RIMS1: variants seen among roughly 807,000 people sequenced by gnomAD.
RIMS1 encodes the protein regulating synaptic membrane exocytosis 1, also known as regulating synaptic membrane exocytosis protein 1.
RIMS1 carries 83 observed loss-of-function variants against 214.1 expected under a neutral mutation model. The ratio of observed to expected loss-of-function variants is 0.39; its 90% CI spans 0.32 to 0.47. The LOEUF (loss-of-function observed/expected upper bound fraction) is 0.47. RIMS1 is among the 20% of genes least tolerant of loss of function. The probability of loss-of-function intolerance (pLI) is 0.99; values close to 1 mark genes in which losing one functional copy is unlikely to be tolerated. For missense variants in RIMS1, 2,050 were observed against 2,161.8 expected (o/e 0.95, Z 1.03); for synonymous variants, 793 against 786.8 (o/e 1.01, Z -0.13).
chr6:72,143,576 G>C (rs1339239531), intron 4 of RIMS1, among the ~76,000 whole-genome samples: 1 of 152,196 alleles, frequency 6.6e-6, no homozygotes, highest in African/African-American at 2.4e-5. Context: ...CACAGCTTCT[G>C]TGATTATGGG....
chr6:72,291,338 C>G (rs765228122), intron 25 of RIMS1, among the ~76,000 whole-genome samples: 1 of 152,110 alleles, frequency 6.6e-6, no homozygotes, highest in African/African-American at 2.4e-5. Flanking sequence ...AGTAATATAT[C>G]GGCACACTTC....
chr6:72,259,190 A>G (rs1048431757), intron 18 of RIMS1, 79 bp downstream of exon 18: 1 of 1,188,902 alleles, frequency 8.4e-7, no homozygotes, highest in Non-Finnish European at 1.2e-6. Context: ...GGCATAGCAC[A>G]TTAGAGAGTA....
At chr6:72,076,964 A>G (rs1177404517) in intron 2 of RIMS1, among the ~76,000 whole-genome samples, 1 of 152,204 alleles carries the variant, frequency 6.6e-6, no homozygotes, top group African/African-American at 2.4e-5. Flanking sequence ...TTAGAAGAAA[A>G]TAAAAAATTC....
chr6:71,977,072 G>T (rs1173284439), intron 2 of RIMS1, among the ~76,000 whole-genome samples: 1 of 152,140 alleles, frequency 6.6e-6, no homozygotes, highest in African/African-American at 2.4e-5. Context: ...TGGCAGAAAT[G>T]TCAGGGACAA....
intron 2 of RIMS1, among the ~76,000 whole-genome samples, chr6:72,008,725 G>T (rs1425493182): frequency 1.3e-5 from 2 of 152,094 alleles, no homozygotes; most frequent in Non-Finnish European, 2.9e-5. Flanking sequence ...AAGAGACAAA[G>T]AAGGCCATTA....
At chr6:72,043,214 A>G (rs1821943904) in intron 2 of RIMS1, among the ~76,000 whole-genome samples, 1 of 151,644 alleles carries the variant, frequency 6.6e-6, no homozygotes. Context: ...GACACTGTGA[A>G]TGCAAATAAG....
intron 29 of RIMS1, 44 bp from the exon 30 acceptor site, chr6:72,390,554 C>T (rs1198723904): frequency 6.4e-7 from 1 of 1,555,832 alleles, no homozygotes; most frequent in African/African-American, 1.4e-5. Context: ...CAGGAGTAAA[C>T]TGTCTAAATA....
At chr6:71,952,511 C>A (rs2151145954) in intron 1 of RIMS1, among the ~76,000 whole-genome samples, 1 of 152,246 alleles carries the variant, frequency 6.6e-6, no homozygotes, top group East Asian at 1.9e-4. Flanking sequence ...CCTTGGGAAT[C>A]TATATTGAAT....
intron 2 of RIMS1, among the ~76,000 whole-genome samples, chr6:72,071,066 A>C (rs1830472080): frequency 6.6e-6 from 1 of 152,234 alleles, no homozygotes. Context: ...TATGGTGATG[A>C]GAACAGAATA....
intron 2 of RIMS1, among the ~76,000 whole-genome samples, chr6:71,971,916 A>G (rs922776731): frequency 1.3e-5 from 2 of 152,194 alleles, no homozygotes; most frequent in African/African-American, 4.8e-5. Context: ...GACAGTGGTG[A>G]GTTCAGATTT....
intron 16 of RIMS1, among the ~76,000 whole-genome samples, chr6:72,253,260 TA>T (rs1373502244): frequency 2.0e-5 from 3 of 152,198 alleles, no homozygotes; most frequent in Non-Finnish European, 4.4e-5. Flanking sequence ...TGGCGGGGTT[TA>T]AAATTGCATG....
chr6:72,092,198 T>G (rs1252323061), intron 2 of RIMS1, among the ~76,000 whole-genome samples: 3 of 152,142 alleles, frequency 2.0e-5, no homozygotes, highest in Non-Finnish European at 2.9e-5. Context: ...AATAGAACAG[T>G]GCAGGTTATG....
intron 1 of RIMS1, among the ~76,000 whole-genome samples, chr6:71,941,702 C>T (rs1184465577): frequency 6.6e-6 from 1 of 152,172 alleles, no homozygotes; most frequent in Non-Finnish European, 1.5e-5. Flanking sequence ...CACATTCCTA[C>T]TTACTGCTTC....
Position 72,247,979 on chromosome 6 carries a change from C to G in RIMS1, c.2129-36C>G, listed in dbSNP as rs764040490. ...CATTTTATTAAAAATATTTCCTACA[C>G]TTACAAATATTACTTACTTTTTTTT... On this transcript the variant is annotated intron_variant, in intron 11 of 33. Coordinates refer to ENST00000521978, the MANE Select transcript of RIMS1 (RefSeq NM_014989.7). 2.5e-5 allele frequency: 33 copies of G among 1,333,252 alleles called. No homozygotes were observed. In the East Asian group the frequency reaches 7.4e-4, roughly 30 times the overall value. 82.6% of individuals were successfully genotyped at this position (1,333,252 alleles called of 1,614,324 possible).
intron 2 of RIMS1, among the ~76,000 whole-genome samples, chr6:71,978,920 C>T (rs1450076680): frequency 1.3e-5 from 2 of 152,120 alleles, no homozygotes; most frequent in Non-Finnish European, 2.9e-5. Context: ...TCTAGGAACA[C>T]TGACATTTCC....
chr6:72,229,555 T>G (rs982738162), intron 6 of RIMS1, among the ~76,000 whole-genome samples: 25 of 152,012 alleles, frequency 1.6e-4, no homozygotes, highest in African/African-American at 5.8e-4. Context: ...TTTCTAGGAC[T>G]TTGCTGTATA....
rs528883184 is a variant in RIMS1 at position 72,383,812 on chromosome 6, G to A, written c.4367-6786G>A. Among the ~76,000 whole-genome samples, 9 of 151,622 alleles carry A rather than the reference G, an allele frequency of 5.9e-5. No individual in the cohort carries two copies. The South Asian group carries it at 1.7e-3, about 28-fold the overall frequency. On this transcript the variant is annotated intron_variant, in intron 29 of 33. Coordinates refer to ENST00000521978, the MANE Select transcript of RIMS1 (RefSeq NM_014989.7). ...ACTGTGATCTTGTTACTGAGACCTA[G>A]CAAGACCCTGTCTCTTAAAAAAAAA...
At chr6:72,297,957 G>T (rs2154264532) in intron 26 of RIMS1, among the ~76,000 whole-genome samples, 1 of 152,118 alleles carries the variant, frequency 6.6e-6, no homozygotes, top group Admixed American at 6.6e-5. Flanking sequence ...AGGTTATTGT[G>T]AGTACATCCC....
intron 16 of RIMS1, among the ~76,000 whole-genome samples, chr6:72,253,727 C>G (rs1219231903): frequency 6.6e-6 from 1 of 152,004 alleles, no homozygotes; most frequent in Non-Finnish European, 1.5e-5. Context: ...TGGTTTTGCT[C>G]AAATTGGTAG....
Sources: allele counts gnomAD v4.1 joint callset (sites outside exome capture counted in the v4.1 genomes callset), GRCh38; gene constraint gnomAD v4.1.1; transcripts MANE v1.5; gene names NCBI Gene and HGNC (gene_info 2026-07-23, HGNC 2026-07-21).